Variants in WDR45 observed in about 807,000 individuals in gnomAD.
The protein encoded by WDR45 is WD repeat domain 45.
Under a neutral mutation model 27.3 loss-of-function variants are expected in WDR45, and 2 were observed. The observed-to-expected ratio is 0.07, with a 90% CI of 0.03 to 0.23. The LOEUF (loss-of-function observed/expected upper bound fraction) is 0.23, where lower values mean the gene tolerates loss of function less well. WDR45 is among the 10% of genes least tolerant of loss of function. The pLI, the probability that WDR45 is intolerant of heterozygous loss-of-function variation, is 1.00. For synonymous variants in WDR45, 99 were observed against 119.2 expected, an observed-to-expected ratio of 0.83 and a Z score of 1.11; for missense variants, 175 against 311.9, an observed-to-expected ratio of 0.56 and a Z score of 3.31.
In WDR45 at chrX:49,097,894, G is replaced by A. The variant is rs2065131667; in HGVS notation, c.-18+2311C>T. 2.7e-5 allele frequency among the ~76,000 whole-genome samples: 3 copies of A among 109,350 alleles called. No individual in the cohort carries two copies. The South Asian group carries it at 1.2e-3, about 43-fold the overall frequency. 95.0% of individuals were successfully genotyped at this position (109,350 alleles called of 115,157 possible). A position where few individuals can be genotyped will look rare whatever the true frequency, so the allele number is the denominator to read the frequency against. On this transcript the variant is annotated intron_variant, in intron 2 of 11. Transcript: ENST00000356463. ...GCCGGTCTTGAACTCCTGACCTCAG[G>A]TGATCCACCTGCCTTGGCCTCCCAA...
upstream of WDR45, among the ~76,000 whole-genome samples, chrX:49,082,810 T>A (rs2065072474): frequency 9.0e-6 from 1 of 110,871 alleles, no homozygotes; most frequent in Admixed American, 9.8e-5. Context: ...GCTTCCTGGG[T>A]TCAAGTGATT....
At chrX:49,087,113 T>A (rs782023818) in intron 2 of WDR45, among the ~76,000 whole-genome samples, 2 of 109,117 alleles carry the variant, frequency 1.8e-5, no homozygotes, top group Non-Finnish European at 3.8e-5. Context: ...ATCCCAGCAC[T>A]TTAGGAGGCC....
upstream of WDR45, among the ~76,000 whole-genome samples, chrX:49,080,858 A>C (rs1210996257): frequency 3.7e-5 from 4 of 106,711 alleles, no homozygotes; most frequent in Admixed American, 3.0e-4. Flanking sequence ...TTTTAAAAAA[A>C]GGCCCCAAAT....
upstream of WDR45, among the ~76,000 whole-genome samples, chrX:49,082,911 G>A (rs1374220081): frequency 1.1e-5 from 1 of 94,593 alleles, no homozygotes; most frequent in Non-Finnish European, 2.1e-5. Flanking sequence ...ACGGAGTCTC[G>A]CTCTGTCATC....
intron 10 of WDR45, 70 bp from the exon 11 acceptor site, chrX:49,074,982 C>T: frequency 1.8e-6 from 2 of 1,128,937 alleles, no homozygotes; most frequent in Non-Finnish European, 2.4e-6. Context: ...TCAGGCATCT[C>T]AGGACCTAGG....
upstream of WDR45, chrX:49,079,922 C>G (rs1170170230): frequency 1.8e-5 from 2 of 113,091 alleles, no homozygotes; most frequent in Non-Finnish European, 3.7e-5. Context: ...GGGAGCCTGT[C>G]GCAGGAAATG....
At chrX:49,086,653 G>A (rs782274786) in intron 2 of WDR45, among the ~76,000 whole-genome samples, 5 of 110,818 alleles carry the variant, frequency 4.5e-5, no homozygotes, top group Admixed American at 9.6e-5. Context: ...GAGTGCAGTG[G>A]CACAATCTCC....
intron 2 of WDR45, among the ~76,000 whole-genome samples, chrX:49,088,330 C>A (rs2065093257): frequency 1.8e-5 from 2 of 111,530 alleles, no homozygotes; most frequent in Admixed American, 1.9e-4. Context: ...TCGCTTGAAT[C>A]CTGGAGATGG....
At chrX:49,095,571 C>T (rs1276242803) in intron 2 of WDR45, among the ~76,000 whole-genome samples, 2 of 108,554 alleles carry the variant, frequency 1.8e-5, no homozygotes, top group Admixed American at 2.0e-4. Flanking sequence ...CGCCATTCTC[C>T]TGCCTCAGCC....
At chrX:49,076,363 T>A in intron 6 of WDR45, 67 bp downstream of exon 6, 1 of 1,108,652 alleles carries the variant, frequency 9.0e-7, no homozygotes. Context: ...CTTTCTTTCC[T>A]CATCTCTGCC....
intron 2 of WDR45, among the ~76,000 whole-genome samples, chrX:49,091,446 TAAAG>T (rs781911655): frequency 1.0e-5 from 1 of 96,953 alleles, no homozygotes; most frequent in African/African-American, 3.8e-5. Flanking sequence ...GTCTCAAAAA[TAAAG>T]AAAAGAAAGA....
upstream of WDR45, chrX:49,079,957 G>A (rs1267503309): frequency 8.8e-6 from 1 of 113,146 alleles, no homozygotes; most frequent in Non-Finnish European, 1.9e-5. Flanking sequence ...GAAAAAGGCG[G>A]CCACCGCCTT....
At chrX:49,093,529 CT>C (rs781832245) in intron 2 of WDR45, among the ~76,000 whole-genome samples, 9,151 of 91,223 alleles carry the variant, frequency 0.1, 490 homozygotes, top group Middle Eastern at 0.2. Context: ...AATCAGCCTT[CT>C]TTTTTTTTTT....
chrX:49,094,153 T>A (rs187867326), intron 2 of WDR45, among the ~76,000 whole-genome samples: 1 of 110,723 alleles, frequency 9.0e-6, no homozygotes, highest in African/African-American at 3.3e-5. Context: ...TGAACCTCTA[T>A]AAGGAGGCAA....
At chrX:49,088,177 G>A (rs1004500622) in intron 2 of WDR45, among the ~76,000 whole-genome samples, 1 of 111,697 alleles carries the variant, frequency 9.0e-6, no homozygotes, top group Non-Finnish European at 1.9e-5. Context: ...GGTGAGGCGG[G>A]TGGATCACTT....
chrX:49,078,393 G>A (rs1272120639), intron 1 of WDR45, among the ~76,000 whole-genome samples: 3 of 112,030 alleles, frequency 2.7e-5, no homozygotes, highest in Non-Finnish European at 5.6e-5. Context: ...GTGGTGGGGG[G>A]CACCTATAAT....
Position 49,078,123 on chromosome X carries a change from A to G in WDR45, c.-17-11T>C, listed in dbSNP as rs1557084578. The G allele has an allele frequency of 2.5e-6, 3 of 1,203,228 alleles. No individual in the cohort carries two copies. The highest frequency in any genetic ancestry group is 3.4e-6 in the Non-Finnish European group (3 of 887,793). On this transcript the variant is annotated splice_polypyrimidine_tract_variant and intron_variant, in intron 1 of 10. Coordinates refer to ENST00000376372, the MANE Select transcript of WDR45 (RefSeq NM_001029896.2). ...TGCAGGATTGTTCCTCTGCATACAA[A>G]TGGGATAAAGATGAGAAGAGTCCTG...
intron 2 of WDR45, among the ~76,000 whole-genome samples, chrX:49,085,542 G>A (rs1266335622): frequency 2.7e-5 from 3 of 112,669 alleles, no homozygotes; most frequent in African/African-American, 9.7e-5. Flanking sequence ...AGGTAAAGTT[G>A]ACAATGTCTG....
intron 2 of WDR45, among the ~76,000 whole-genome samples, chrX:49,087,081 G>T (rs1162500743): frequency 3.7e-5 from 4 of 108,806 alleles, no homozygotes; most frequent in African/African-American, 1.0e-4. Flanking sequence ...AAGAAGGCTG[G>T]GCATGGTGGC....
Sources: gnomAD v4.1 joint callset for allele counts (sites outside exome capture counted in the v4.1 genomes callset) on GRCh38, gnomAD v4.1.1 for gene constraint, MANE v1.5 for transcripts, NCBI Gene and HGNC (gene_info 2026-07-23, HGNC 2026-07-21) for gene names.